Variants in BLOC1S3 observed in about 807,000 individuals in gnomAD.
BLOC1S3 encodes biogenesis of lysosome-related organelles complex 1 subunit 3.
Under a neutral mutation model 9.1 loss-of-function variants are expected in BLOC1S3, and 7 were observed. The observed-to-expected ratio is 0.77, with a 90% confidence interval of 0.44 to 1.45. The LOEUF (loss-of-function observed/expected upper bound fraction) is 1.45. BLOC1S3 is among the 40% of genes most tolerant of loss of function. The pLI is 0.01. For missense variants in BLOC1S3, 307 were observed against 315.2 expected (o/e 0.97, Z 0.20); for synonymous variants, 145 against 158.4 (o/e 0.92, Z 0.64).
At position 45,179,554 on chromosome 19, in the gene BLOC1S3, G is replaced by T; in HGVS notation, c.258G>T (p.Gln86His). 6.6e-7 allele frequency: 1 copy of T among 1,518,680 alleles called. No individual in the cohort carries two copies. The highest frequency in any genetic ancestry group is 8.8e-7 in the Non-Finnish European group (1 of 1,140,704). 94.1% of individuals were successfully genotyped at this position (1,518,680 alleles called of 1,614,324 possible). Residue 86 changes from glutamine (Q) to histidine (H), a missense_variant, in exon 2 of 2, where the codon CAG becomes CAT. Transcript: ENST00000433642. This position sits in a 1 kb window ranked among gnomAD's most constrained non-coding sequence, Gnocchi z 4.6. ...APRDLPPLVV[Q>H]RESAEEAWGT... ...GGGACCTGCCTCCACTCGTGGTGCA[G>T]CGGGAATCGGCGGAGGAGGCCTGGG... is the stretch of plus-strand genomic sequence containing the variant.
chr19:45,200,517 G>A (rs908236218), intron 2 of BLOC1S3, among the ~76,000 whole-genome samples: 1 of 152,128 alleles, frequency 6.6e-6, no homozygotes, highest in Admixed American at 6.5e-5. Context: ...ATTTCAATCT[G>A]TTTGGTTAAT....
chr19:45,179,206 A>G lies in BLOC1S3; in HGVS notation c.-9-82A>G. On this transcript the variant is annotated intron_variant, in intron 1 of 1. Coordinates refer to ENST00000433642, the MANE Select transcript of BLOC1S3 (RefSeq NM_212550.5). The surrounding 1 kb of genome is among the most constrained non-coding windows in gnomAD (Gnocchi z 4.6). ...ACCAAGTCGTTAAGAGAATCAGCGA[A>G]GGGGCTGGGAATCCAGGACCTGCGC... 7.3e-7 allele frequency: 1 copy of G among 1,377,602 alleles called. No homozygotes were observed. The highest frequency in any genetic ancestry group is 9.4e-7 in the Non-Finnish European group (1 of 1,062,768). 85.3% of individuals were successfully genotyped at this position (1,377,602 alleles called of 1,614,324 possible).
chr19:45,216,288 A>T, intron 3 of BLOC1S3: 1 of 1,484,334 alleles, frequency 6.7e-7, no homozygotes, highest in Non-Finnish European at 9.0e-7. Context: ...TCTAAAATGT[A>T]GCAGAAACCA....
Position 45,209,701 on chromosome 19 carries a change from G to A in BLOC1S3, n.283-6975G>A, listed in dbSNP as rs914128001. Among the ~76,000 whole-genome samples, 99 of 151,890 alleles carry A rather than the reference G, an allele frequency of 6.5e-4. 1 individual carries two copies. Among genetic ancestry groups the A allele is most frequent in the South Asian group, 2.1e-4 (1 of 4,806 alleles). ...CTCCCAAAGTGCTGGGATTACAGGC[G>A]TGAGCCACCATGCCCGGCCTATTTT... is the stretch of plus-strand genomic sequence containing the variant. On this transcript the variant is annotated intron_variant and non_coding_transcript_variant, in intron 3 of 3. Transcript: ENST00000591569.
intron 3 of BLOC1S3, among the ~76,000 whole-genome samples, chr19:45,207,981 T>G (rs1969740447): frequency 1.3e-5 from 2 of 151,770 alleles, no homozygotes; most frequent in African/African-American, 4.8e-5. Flanking sequence ...CATGTACTTT[T>G]TTTTTTTTTT....
chr19:45,201,550 T>G (rs1471661470), intron 2 of BLOC1S3, among the ~76,000 whole-genome samples: 1 of 152,176 alleles, frequency 6.6e-6, no homozygotes, highest in Non-Finnish European at 1.5e-5. Flanking sequence ...CTTGTGTCCT[T>G]CCCTTCAGGA....
Position 45,179,041 on chromosome 19 carries a change from G to C in BLOC1S3, c.-10+210G>C, listed in dbSNP as rs1024875710. Among the ~76,000 whole-genome samples the C allele has an allele frequency of 6.6e-6, 1 of 152,284 alleles. No homozygotes were observed. Among genetic ancestry groups the C allele is most frequent in the Non-Finnish European group, 1.5e-5 (1 of 68,022 alleles). On this transcript the variant is annotated intron_variant, in intron 1 of 1. Coordinates refer to ENST00000433642, the MANE Select transcript of BLOC1S3 (RefSeq NM_212550.5). This position sits in a 1 kb window ranked among gnomAD's most constrained non-coding sequence, Gnocchi z 4.6. ...CGTAAAGACCTCGGCTTGGGACTCC[G>C]GGAACTCGGGCCCCAGATCCTTGTT...
In BLOC1S3 at chr19:45,179,847, C is replaced by T. The variant is rs767423019; in HGVS notation, c.551C>T (p.Pro184Leu). The change falls in exon 2 of 2, where the codon CCG becomes CTG. Residue 184 changes from proline to leucine, a missense_variant. Physicochemically the swap from Pro to Leu is moderately conservative, Grantham distance 98. Transcript: ENST00000433642. The surrounding 1 kb of genome is among the most constrained non-coding windows in gnomAD (Gnocchi z 4.6). Reference sequence around the variant, plus strand: ...ATCGTGGCTGGCTGCCGCCTGCTGCCGGACATCCGCGGCGTGCCAGGGACC... The same window carrying T: ...ATCGTGGCTGGCTGCCGCCTGCTGCTGGACATCCGCGGCGTGCCAGGGACC... The part of the protein sequence containing the change: ...LDIVAGCRLL[P>L]DIRGVPGTEP... The T allele has an allele frequency of 3.1e-6, 5 of 1,609,058 alleles. No individual in the cohort carries two copies. Among genetic ancestry groups the T allele is most frequent in the Non-Finnish European group, 3.4e-6 (4 of 1,178,592 alleles).
intron 3 of BLOC1S3, among the ~76,000 whole-genome samples, chr19:45,204,624 GAT>G (rs539190804): frequency 1.3e-5 from 2 of 152,182 alleles, no homozygotes; most frequent in Non-Finnish European, 2.9e-5. Context: ...TCTCAGTTGG[GAT>G]GGCTAGATCA....
intron 3 of BLOC1S3, among the ~76,000 whole-genome samples, chr19:45,205,451 C>T (rs1054061301): frequency 6.6e-6 from 1 of 152,122 alleles, no homozygotes; most frequent in Non-Finnish European, 1.5e-5. Flanking sequence ...AGGCGTGAGC[C>T]CTGCACCTGG....
At chr19:45,193,715 T>G (rs1377059667) in intron 2 of BLOC1S3, among the ~76,000 whole-genome samples, 2 of 150,330 alleles carry the variant, frequency 1.3e-5, no homozygotes, top group African/African-American at 4.9e-5. Flanking sequence ...TCTGTTTGAC[T>G]TTTTAAAACT....
chr19:45,186,111 T>G (rs1969564062), downstream of BLOC1S3, among the ~76,000 whole-genome samples: 1 of 151,556 alleles, frequency 6.6e-6, no homozygotes, highest in South Asian at 2.1e-4. Context: ...AGACTCTGTC[T>G]CAAAATAAAA....
intron 3 of BLOC1S3, among the ~76,000 whole-genome samples, chr19:45,204,351 CA>C (rs1373883167): frequency 6.6e-6 from 1 of 151,610 alleles, no homozygotes; most frequent in African/African-American, 2.4e-5. Flanking sequence ...CACCATGCCC[CA>C]GCTAATTTTT....
At chr19:45,199,841 C>G (rs1327553019) in intron 2 of BLOC1S3, among the ~76,000 whole-genome samples, 1 of 152,038 alleles carries the variant, frequency 6.6e-6, no homozygotes, top group African/African-American at 2.4e-5. Flanking sequence ...TCTTGGCTCA[C>G]TACAACCTCC....
At chr19:45,207,605 C>T (rs4802250) in intron 3 of BLOC1S3, among the ~76,000 whole-genome samples, 38,506 of 140,646 alleles carry the variant, frequency 0.27, 6,203 homozygotes, top group African/African-American at 0.43. Flanking sequence ...GGCGTGGTAG[C>T]GCACACCTAT....
intron 2 of BLOC1S3, among the ~76,000 whole-genome samples, chr19:45,194,046 G>C (rs1007762963): frequency 7.4e-6 from 1 of 134,284 alleles, no homozygotes; most frequent in African/African-American, 2.9e-5. Context: ...CTCACGATCC[G>C]CCCTCCTTGG....
intron 3 of BLOC1S3, among the ~76,000 whole-genome samples, chr19:45,210,012 C>T (rs1163021275): frequency 6.6e-6 from 1 of 152,134 alleles, no homozygotes; most frequent in African/African-American, 2.4e-5. Flanking sequence ...GGATTACAGG[C>T]GTGAGCCATT....
At chr19:45,207,072 A>T (rs1160111848) in intron 3 of BLOC1S3, among the ~76,000 whole-genome samples, 1 of 149,874 alleles carries the variant, frequency 6.7e-6, no homozygotes, top group African/African-American at 2.5e-5. Context: ...CCTGACCTCA[A>T]GTGATCCACC....
In BLOC1S3 at chr19:45,206,455, T is replaced by TTTTTTTTTTTTTTTTTTTTTTTTG. The variant is rs1568476450; in HGVS notation, n.282+3966_282+3967insTTTTTGTTTTTTTTTTTTTTTTTT. On this transcript the variant is annotated intron_variant and non_coding_transcript_variant, in intron 3 of 3. Coordinates refer to the BLOC1S3 transcript ENST00000591569. ...CCTTCTTTTGGATTAATCAAGTTTT[T>TTTTTTTTTTTTTTTTTTTTTTTTG]TTTTTTTTTTTTTTTTTTGAGCAAG... 6.1e-5 allele frequency among the ~76,000 whole-genome samples: 7 copies of TTTTTTTTTTTTTTTTTTTTTTTTG among 115,212 alleles called. 2 individuals carry two copies. The highest frequency in any genetic ancestry group is 2.4e-4 in the African/African-American group (6 of 24,796). The allele number at this position is 115,212 out of a possible 152,430, so 75.6% of individuals were successfully genotyped here.
Sources: allele counts gnomAD v4.1 joint callset (sites outside exome capture counted in the v4.1 genomes callset), GRCh38; gene constraint gnomAD v4.1.1; non-coding constraint Gnocchi (gnomAD v3.1); transcripts MANE v1.5; gene names NCBI Gene and HGNC (gene_info 2026-07-23, HGNC 2026-07-21).